Variants in MACROD2 observed in about 807,000 individuals in gnomAD.
MACROD2 encodes ADP-ribose glycohydrolase MACROD2.
Under a neutral mutation model 70.4 loss-of-function variants are expected in MACROD2, and 36 were observed. That is an observed-to-expected ratio of 0.51 (90% CI 0.39 to 0.68). The LOEUF is 0.68. Ranked by LOEUF, MACROD2 falls within the 30% of genes least tolerant of loss-of-function variation. The pLI is 0.00. For synonymous variants in MACROD2, 172 were observed against 178.8 expected (o/e 0.96, Z 0.30); for missense variants, 496 against 538.4 (o/e 0.92, Z 0.78).
intron 5 of MACROD2, among the ~76,000 whole-genome samples, chr20:14,762,271 C>T (rs547151104): frequency 2.0e-5 from 3 of 152,222 alleles, no homozygotes; most frequent in East Asian, 1.9e-4. Context: ...TCCCTCCTCT[C>T]GAACTTATCT....
chr20:15,790,725 A>C (rs1265500312), intron 8 of MACROD2, among the ~76,000 whole-genome samples: 1 of 151,942 alleles, frequency 6.6e-6, no homozygotes, highest in Non-Finnish European at 1.5e-5. Context: ...AAATCTTTTT[A>C]GAAAAAAAAT....
intron 6 of MACROD2, among the ~76,000 whole-genome samples, chr20:15,420,898 T>C (rs149010473): frequency 6.6e-6 from 1 of 152,160 alleles, no homozygotes; most frequent in East Asian, 1.9e-4. Flanking sequence ...CTAGCCTAGA[T>C]AGCATAGTGA....
intron 4 of MACROD2, among the ~76,000 whole-genome samples, chr20:14,530,536 GA>G (rs546579219): frequency 6.6e-6 from 1 of 152,112 alleles, no homozygotes; most frequent in Non-Finnish European, 1.5e-5. Flanking sequence ...TATTCTGGCA[GA>G]AAAAATCTGA....
At chr20:14,309,642 T>G (rs1441189502) in intron 3 of MACROD2, among the ~76,000 whole-genome samples, 8 of 152,144 alleles carry the variant, frequency 5.3e-5, no homozygotes. Flanking sequence ...AATTCACGCA[T>G]TTAGCCAGAA....
chr20:15,175,933 A>C (rs1233850098), intron 5 of MACROD2, among the ~76,000 whole-genome samples: 4 of 152,170 alleles, frequency 2.6e-5, no homozygotes, highest in African/African-American at 9.7e-5. Flanking sequence ...AGACCTGGGA[A>C]TCTCTGCACT....
At chr20:14,784,490 G>A (rs983620671) in intron 5 of MACROD2, among the ~76,000 whole-genome samples, 2 of 151,978 alleles carry the variant, frequency 1.3e-5, no homozygotes, top group Admixed American at 6.6e-5. Flanking sequence ...ATTAAGTCGG[G>A]TTCATAGACA....
intron 6 of MACROD2, among the ~76,000 whole-genome samples, chr20:15,422,359 GA>G (rs747305760): frequency 6.6e-6 from 1 of 152,182 alleles, no homozygotes. Context: ...TGTTCTCACT[GA>G]GATCTGCCTA....
intron 2 of MACROD2, among the ~76,000 whole-genome samples, chr20:14,024,961 T>C (rs139872443): frequency 2.0e-5 from 3 of 152,350 alleles, no homozygotes; most frequent in African/African-American, 7.2e-5. Flanking sequence ...AGCTCCTCTT[T>C]GTGACTCTGG....
chr20:15,094,969 C>T (rs1391694701), intron 5 of MACROD2, among the ~76,000 whole-genome samples: 1 of 150,638 alleles, frequency 6.6e-6, no homozygotes, highest in Non-Finnish European at 1.5e-5. Context: ...CTGAGCAAGT[C>T]ACTAAGGTCT....
chr20:15,803,701 G>A (rs1050422811), intron 8 of MACROD2, among the ~76,000 whole-genome samples: 1 of 152,064 alleles, frequency 6.6e-6, no homozygotes. Context: ...TTCTGTCATG[G>A]TGAGCTCAGG....
At chr20:14,516,672 G>C (rs1409069490) in intron 4 of MACROD2, among the ~76,000 whole-genome samples, 2 of 151,980 alleles carry the variant, frequency 1.3e-5, no homozygotes, top group African/African-American at 4.8e-5. Context: ...TATCTGTTTT[G>C]GTACCAGTAC....
intron 15 of MACROD2, among the ~76,000 whole-genome samples, chr20:16,040,720 T>A (rs951794353): frequency 6.6e-6 from 1 of 151,992 alleles, no homozygotes; most frequent in African/African-American, 2.4e-5. Context: ...AACCATTTGT[T>A]TCTGTTTAAA....
chr20:15,160,126 G>A (rs559934027), intron 5 of MACROD2, among the ~76,000 whole-genome samples: 27 of 152,134 alleles, frequency 1.8e-4, no homozygotes, highest in Non-Finnish European at 3.5e-4. Context: ...GAGACAATTG[G>A]AACCCCTTAA....
Position 15,804,042 on chromosome 20 carries a change from C to T in MACROD2, c.646-58703C>T, listed in dbSNP as rs139486906. Among the ~76,000 whole-genome samples, 578 of 152,264 alleles carry T rather than the reference C, an allele frequency of 3.8e-3. 3 individuals carry two copies. Among genetic ancestry groups the T allele is most frequent in the Middle Eastern group, 0.014 (4 of 292 alleles). ...TAGAAGTTTCGAGTAGATGTTTGCA[C>T]CTAATTTAATGTGCTAACCCAGTCT... On this transcript the variant is annotated intron_variant, in intron 8 of 17. Coordinates refer to ENST00000684519, the MANE Select transcript of MACROD2 (RefSeq NM_001351661.2).
At chr20:15,656,346 C>G (rs2049730443) in intron 8 of MACROD2, among the ~76,000 whole-genome samples, 1 of 152,116 alleles carries the variant, frequency 6.6e-6, no homozygotes, top group South Asian at 2.1e-4. Flanking sequence ...AATCTTTAAG[C>G]AGGAAATATA....
chr20:15,502,162 C>T (rs1221034169), intron 8 of MACROD2, among the ~76,000 whole-genome samples: 1 of 152,030 alleles, frequency 6.6e-6, no homozygotes, highest in Non-Finnish European at 1.5e-5. Flanking sequence ...GAGTGCTTTA[C>T]AAAATAAAAC....
chr20:14,407,199 C>A (rs2083699905), intron 3 of MACROD2, among the ~76,000 whole-genome samples: 1 of 150,018 alleles, frequency 6.7e-6, no homozygotes, highest in South Asian at 2.1e-4. Flanking sequence ...TCTTTCTTAC[C>A]CTGCTCTATT....
At chr20:14,444,583 A>G (rs563162242) in intron 3 of MACROD2, among the ~76,000 whole-genome samples, 6 of 152,096 alleles carry the variant, frequency 3.9e-5, no homozygotes, top group Admixed American at 2.0e-4. Context: ...TTGAGTTACA[A>G]TCTATGTGCT....
At chr20:14,248,750 A>C (rs916078641) in intron 3 of MACROD2, among the ~76,000 whole-genome samples, 25 of 152,134 alleles carry the variant, frequency 1.6e-4, no homozygotes, top group Non-Finnish European at 2.6e-4. Flanking sequence ...AAAAAATCCC[A>C]AATCTGAAAC....
Sources: gnomAD v4.1 joint callset for allele counts (sites outside exome capture counted in the v4.1 genomes callset) on GRCh38, gnomAD v4.1.1 for gene constraint, MANE v1.5 for transcripts, NCBI Gene and HGNC (gene_info 2026-07-23, HGNC 2026-07-21) for gene names.